The following TMPRSS11A variants were observed in gnomAD, a reference collection of about 807,000 sequenced individuals.
The protein encoded by TMPRSS11A is transmembrane serine protease 11A.
TMPRSS11A carries 53 observed loss-of-function variants against 58.9 expected under a neutral mutation model. The ratio of observed to expected loss-of-function variants is 0.90; its 90% CI spans 0.72 to 1.13. The LOEUF (loss-of-function observed/expected upper bound fraction) is 1.13. Ranked by LOEUF, TMPRSS11A falls within the 50% of genes most tolerant of loss-of-function variation. The pLI, the probability that TMPRSS11A is intolerant of heterozygous loss-of-function variation, is 0.00. For synonymous variants in TMPRSS11A, 167 were observed against 169.8 expected (o/e 0.98, Z 0.13); for missense variants, 493 against 499.3 (o/e 0.99, Z 0.12).
chr4:67,946,320 G>T (rs1323900838), intron 2 of TMPRSS11A, 130 bp downstream of exon 2: 2 of 883,352 alleles, frequency 2.3e-6, no homozygotes, highest in Non-Finnish European at 3.2e-6. Flanking sequence ...GACTGAAACA[G>T]TTAAATATAC....
At chr4:67,922,286 T>C (rs1720352602) in intron 7 of TMPRSS11A, among the ~76,000 whole-genome samples, 1 of 152,248 alleles carries the variant, frequency 6.6e-6, no homozygotes, top group African/African-American at 2.4e-5. Context: ...AAATTTGATC[T>C]GCAGTTCTCC....
chr4:67,944,400 C>T (rs1347899255), intron 3 of TMPRSS11A, 119 bp downstream of exon 3: 2 of 1,224,458 alleles, frequency 1.6e-6, no homozygotes, highest in Non-Finnish European at 2.3e-6. Context: ...GCCTAGCAAT[C>T]TGCAAGATGA....
chr4:67,929,301 C>T (rs755874201), intron 5 of TMPRSS11A, among the ~76,000 whole-genome samples: 11 of 151,820 alleles, frequency 7.2e-5, no homozygotes, highest in Non-Finnish European at 1.6e-4. Context: ...GTATAATGGG[C>T]TAAGGGTGAA....
chr4:67,931,942 G>A lies in TMPRSS11A; in HGVS notation c.320+51C>T, dbSNP rs752083445. 2.7e-6 allele frequency: 3 copies of A among 1,114,528 alleles called. No individual in the cohort carries two copies. In the South Asian group the frequency reaches 3.8e-5, roughly 14 times the overall value. The allele number at this position is 1,114,528 out of a possible 1,614,324, so 69.0% of individuals were successfully genotyped here. On this transcript the variant is annotated intron_variant, in intron 4 of 9. Coordinates refer to ENST00000508048, the MANE Select transcript of TMPRSS11A (RefSeq NM_001114387.2). Reference sequence around the variant, plus strand: ...ATACATGAGAGTCCCTGTCTCCTTTGTTCCTTTTCCCTCCAGTCTTGTGAT... The same window carrying A: ...ATACATGAGAGTCCCTGTCTCCTTTATTCCTTTTCCCTCCAGTCTTGTGAT...
intron 3 of TMPRSS11A, among the ~76,000 whole-genome samples, chr4:67,944,099 T>C (rs965918202): frequency 3.3e-5 from 5 of 152,198 alleles, no homozygotes; most frequent in African/African-American, 1.2e-4. Context: ...AAGATGAACG[T>C]AAATTCTGAA....
At chr4:67,961,482 C>CTTTTTTTTTTTTTTT (rs1721418705) in intron 1 of TMPRSS11A, among the ~76,000 whole-genome samples, 1 of 102,454 alleles carries the variant, frequency 9.8e-6, no homozygotes, top group African/African-American at 4.8e-5. Context: ...CTTTTCTTTT[C>CTTTTTTTTTTTTTTT]CTTTTTTTTT....
At chr4:67,924,225 G>A in intron 5 of TMPRSS11A, 59 bp from the exon 6 acceptor site, 1 of 1,418,694 alleles carries the variant, frequency 7.0e-7, no homozygotes, top group Admixed American at 1.7e-5. Context: ...TGGTCTCAAT[G>A]ACCAGGAATA....
At chr4:67,963,323 A>T (rs1721484718) in intron 1 of TMPRSS11A, 60 bp downstream of exon 1, 1 of 1,590,396 alleles carries the variant, frequency 6.3e-7, no homozygotes, top group African/African-American at 1.3e-5. Flanking sequence ...CACATCAGGA[A>T]TCCGGCCACT....
chr4:67,937,073 G>A (rs1720771580), intron 3 of TMPRSS11A, among the ~76,000 whole-genome samples: 3 of 152,126 alleles, frequency 2.0e-5, no homozygotes, highest in Admixed American at 2.0e-4. Flanking sequence ...CTTTTGTAGT[G>A]CCTAACATCA....
intron 8 of TMPRSS11A, among the ~76,000 whole-genome samples, chr4:67,917,618 C>A (rs1337445659): frequency 6.6e-6 from 1 of 152,078 alleles, no homozygotes; most frequent in Non-Finnish European, 1.5e-5. Flanking sequence ...AGATTAAAAG[C>A]ACCTGTGGGT....
At chr4:67,923,650 G>A (rs1258862142) in intron 6 of TMPRSS11A, among the ~76,000 whole-genome samples, 1 of 152,124 alleles carries the variant, frequency 6.6e-6, no homozygotes, top group Non-Finnish European at 1.5e-5. Flanking sequence ...GGGACTACAG[G>A]CACCTGCCAC....
chr4:67,922,533 C>G (rs1031813723), intron 7 of TMPRSS11A, among the ~76,000 whole-genome samples: 1 of 152,130 alleles, frequency 6.6e-6, no homozygotes, highest in Non-Finnish European at 1.5e-5. Flanking sequence ...TTATTAAAAA[C>G]TTTGAGGAAA....
At chr4:67,924,265 T>C in intron 5 of TMPRSS11A, 99 bp from the exon 6 acceptor site, 1 of 984,790 alleles carries the variant, frequency 1.0e-6, no homozygotes, top group Non-Finnish European at 1.6e-6. Flanking sequence ...ATATGGATTC[T>C]AGACAGTTGA....
At chr4:67,958,496 C>A (rs1399089730) in intron 1 of TMPRSS11A, among the ~76,000 whole-genome samples, 1 of 152,200 alleles carries the variant, frequency 6.6e-6, no homozygotes, top group Non-Finnish European at 1.5e-5. Context: ...GGGCCTTTGG[C>A]CCCTTCATTT....
intron 8 of TMPRSS11A, among the ~76,000 whole-genome samples, chr4:67,916,931 T>C (rs1388953853): frequency 6.6e-6 from 1 of 152,136 alleles, no homozygotes; most frequent in African/African-American, 2.4e-5. Context: ...AATCCACAAC[T>C]TCTTCAGCAA....
At chr4:67,912,424 G>GT (rs1410067176) in intron 9 of TMPRSS11A, among the ~76,000 whole-genome samples, 1 of 152,144 alleles carries the variant, frequency 6.6e-6, no homozygotes, top group African/African-American at 2.4e-5. Context: ...CCACTCTTTA[G>GT]TGTTGGACTA....
chr4:67,950,557 A>G (rs1178783072), intron 1 of TMPRSS11A, among the ~76,000 whole-genome samples: 1 of 152,212 alleles, frequency 6.6e-6, no homozygotes, highest in Non-Finnish European at 1.5e-5. Context: ...AGCAGCACCT[A>G]GATTAGAGTT....
Position 67,946,462 on chromosome 4 carries a change from A to AGT in TMPRSS11A, c.119_120dup (p.Phe41ThrfsTer3), listed in dbSNP as rs751355345. ...TAATTTTACCTACCAAATACTAGGA[A>AGT]GTGAACCAGGAGACCTATGGTCACT... On this transcript the variant is annotated frameshift_variant, in exon 2 of 10. Transcript: ENST00000508048. LOFTEE classifies it high-confidence loss of function. The AGT allele has an allele frequency of 1.7e-5, 28 of 1,603,640 alleles. No individual in the cohort carries two copies. Among genetic ancestry groups the AGT allele is most frequent in the Non-Finnish European group, 2.3e-5 (27 of 1,175,634 alleles).
chr4:67,937,126 C>T (rs370822045), intron 3 of TMPRSS11A, among the ~76,000 whole-genome samples: 25 of 152,246 alleles, frequency 1.6e-4, no homozygotes, highest in African/African-American at 6.0e-4. Context: ...AATAGATTCT[C>T]CTGTGAAGAC....
Sources: gnomAD v4.1 joint callset for allele counts (sites outside exome capture counted in the v4.1 genomes callset) on GRCh38, gnomAD v4.1.1 for gene constraint, MANE v1.5 for transcripts, NCBI Gene and HGNC (gene_info 2026-07-23, HGNC 2026-07-21) for gene names.